The following HDAC7 variants were observed in gnomAD, a reference collection of about 807,000 sequenced individuals.
HDAC7 encodes histone deacetylase 7A.
Under a neutral mutation model 115.5 loss-of-function variants are expected in HDAC7, and 26 were observed. The ratio of observed to expected loss-of-function variants is 0.23; its 90% confidence interval spans 0.16 to 0.31. The LOEUF is 0.31. Ranked by LOEUF, HDAC7 falls within the 10% of genes least tolerant of loss-of-function variation. The pLI is 1.00. For missense variants in HDAC7, 1,068 were observed against 1,329.0 expected, an observed-to-expected ratio of 0.80 and a Z score of 3.05; for synonymous variants, 564 against 550.9, an observed-to-expected ratio of 1.02 and a Z score of -0.33.
intron 17 of HDAC7, 51 bp downstream of exon 17, chr12:47,789,762 C>G (rs769837416): frequency 4.1e-6 from 6 of 1,459,060 alleles, no homozygotes; most frequent in Middle Eastern, 3.5e-4. Flanking sequence ...CCCACTACCC[C>G]ACTCTGCTTC....
chr12:47,807,829 T>C (rs1944468161), intron 1 of HDAC7, among the ~76,000 whole-genome samples: 1 of 152,232 alleles, frequency 6.6e-6, no homozygotes, highest in South Asian at 2.1e-4. Context: ...AACAGGGGGC[T>C]GGCAATGGGT....
At chr12:47,796,916 A>T in intron 7 of HDAC7, 101 bp downstream of exon 7, 1 of 1,327,252 alleles carries the variant, frequency 7.5e-7, no homozygotes, top group Non-Finnish European at 1.0e-6. Flanking sequence ...CACGCATGGC[A>T]GTCCTAAGGA....
rs777871366 is a variant in HDAC7, at chr12:47,797,352, G to A, written c.577+32C>T. 1 of 1,440,372 alleles carries A rather than the reference G, an allele frequency of 6.9e-7. No homozygotes were observed. Among genetic ancestry groups the A allele is most frequent in the Non-Finnish European group, 9.4e-7 (1 of 1,060,366 alleles). 89.2% of individuals were successfully genotyped at this position (1,440,372 alleles called of 1,614,324 possible). ...GTCCGAGGCCCTTCCCCCTTCCTTT[G>A]CCTGAAAGGTCCGCCTGTTTGTTCA... On this transcript the variant is annotated intron_variant, in intron 6 of 25. Coordinates refer to ENST00000080059, the MANE Select transcript of HDAC7 (RefSeq NM_015401.5). The surrounding 1 kb of genome is among the most constrained non-coding windows in gnomAD (Gnocchi z 5.5).
In HDAC7 at chr12:47,798,369, G is replaced by T; in HGVS notation, c.350-150C>A. 1.3e-6 allele frequency: 1 copy of T among 770,630 alleles called. No individual in the cohort carries two copies. The highest frequency in any genetic ancestry group is 1.6e-5 in the South Asian group (1 of 62,984). The allele number at this position is 770,630 out of a possible 1,614,324, so 47.7% of individuals were successfully genotyped here. A position where few individuals can be genotyped will look rare whatever the true frequency, so the allele number is the denominator to read the frequency against. On this transcript the variant is annotated intron_variant, in intron 4 of 25. Transcript: ENST00000080059. This position sits in a 1 kb window ranked among gnomAD's most constrained non-coding sequence, Gnocchi z 4.3. ...AAGCCCGAGGCCCTACCCCTCCCTA[G>T]AGCCTCCAGACACCACCCCCCACCC...
rs148341515 is a variant in HDAC7, at chr12:47,784,856, C to G, written c.2791+531G>C. ...ATTATGTAAAGACATCACGGCTCCC[C>G]TACCCAGCCCTTGATATGGGAATCT... is the stretch of plus-strand genomic sequence containing the variant. On this transcript the variant is annotated intron_variant, in intron 24 of 25. Transcript: ENST00000080059. The G allele has an allele frequency of 1.5e-4, 188 of 1,284,120 alleles. No homozygotes were observed. The African/African-American group carries it at 2.5e-3, about 17-fold the overall frequency. 79.5% of individuals were successfully genotyped at this position (1,284,120 alleles called of 1,614,324 possible).
In HDAC7 at chr12:47,803,585, C is replaced by A. The variant is rs1354602026; in HGVS notation, c.20-1311G>T. Among the ~76,000 whole-genome samples the A allele has an allele frequency of 6.6e-6, 1 of 152,112 alleles. No individual in the cohort carries two copies. The highest frequency in any genetic ancestry group is 1.5e-5 in the Non-Finnish European group (1 of 68,020). Reference sequence around the variant, plus strand: ...ATCTCCTTGGGAGGCTCTCCCTGACCTCTCCCCTCTTCCTTTTCCACAGCA... The same window carrying A: ...ATCTCCTTGGGAGGCTCTCCCTGACATCTCCCCTCTTCCTTTTCCACAGCA... On this transcript the variant is annotated intron_variant, in intron 1 of 25. Coordinates refer to ENST00000080059, the MANE Select transcript of HDAC7 (RefSeq NM_015401.5). This position sits in a 1 kb window ranked among gnomAD's most constrained non-coding sequence, Gnocchi z 4.0.
Position 47,810,788 on chromosome 12 carries a change from C to A in HDAC7, c.20-8514G>T, listed in dbSNP as rs1435062106. Among the ~76,000 whole-genome samples, 3 of 149,958 alleles carry A rather than the reference C, an allele frequency of 2.0e-5. No individual in the cohort carries two copies. The East Asian group carries it at 5.9e-4, about 30-fold the overall frequency. ...CAGAGTGGGTACTCGGGGGTAAATT[C>A]TCTTGGGAGGAAAAGGTCTCTCTCT... On this transcript the variant is annotated intron_variant, in intron 1 of 25. Transcript: ENST00000080059.
At chr12:47,818,427 T>G (rs1386504667) in intron 1 of HDAC7, among the ~76,000 whole-genome samples, 1 of 152,170 alleles carries the variant, frequency 6.6e-6, no homozygotes, top group East Asian at 1.9e-4. Context: ...CAGAAATGAC[T>G]GCAGAGAAGA....
At chr12:47,807,665 G>A (rs1202769497) in intron 1 of HDAC7, among the ~76,000 whole-genome samples, 1 of 152,118 alleles carries the variant, frequency 6.6e-6, no homozygotes, top group Non-Finnish European at 1.5e-5. Context: ...CAGCCCCACA[G>A]AGACCCGTGC....
intron 1 of HDAC7, among the ~76,000 whole-genome samples, chr12:47,806,520 C>A (rs1275736799): frequency 6.6e-6 from 1 of 152,274 alleles, no homozygotes; most frequent in Non-Finnish European, 1.5e-5. Flanking sequence ...GAAATCCCAT[C>A]TCTAACAAAA....
chr12:47,804,600 T>C (rs1003267495), intron 1 of HDAC7, among the ~76,000 whole-genome samples: 1 of 151,968 alleles, frequency 6.6e-6, no homozygotes, highest in Admixed American at 6.5e-5. Context: ...CTTTGCCAGG[T>C]TGGAGAGCTC....
chr12:47,796,474 A>G, intron 7 of HDAC7, among the ~76,000 whole-genome samples, 176 bp from the exon 8 acceptor site: 1 of 145,576 alleles, frequency 6.9e-6, no homozygotes, highest in African/African-American at 2.6e-5. Context: ...CCCAGGCTGG[A>G]GTGCAATGGC....
intron 24 of HDAC7, 161 bp downstream of exon 24, chr12:47,785,226 T>C: frequency 1.6e-6 from 1 of 628,036 alleles, no homozygotes; most frequent in Non-Finnish European, 2.8e-6. Context: ...CACTGGGGGG[T>C]GCTCACCATT....
At chr12:47,808,735 C>G (rs79823150) in intron 1 of HDAC7, among the ~76,000 whole-genome samples, 19 of 152,336 alleles carry the variant, frequency 1.2e-4, no homozygotes, top group African/African-American at 4.6e-4. Flanking sequence ...GCATCTACTT[C>G]CTATTACCCA....
Position 47,798,052 on chromosome 12 carries a change from G to A in HDAC7, c.461+56C>T. 1 of 1,258,274 alleles carries A rather than the reference G, an allele frequency of 7.9e-7. No homozygotes were observed. The highest frequency in any genetic ancestry group is 1.2e-6 in the Non-Finnish European group (1 of 855,640). 77.9% of individuals were successfully genotyped at this position (1,258,274 alleles called of 1,614,324 possible). On this transcript the variant is annotated intron_variant, in intron 5 of 25. Transcript: ENST00000080059. This position sits in a 1 kb window ranked among gnomAD's most constrained non-coding sequence, Gnocchi z 4.3. ...AGTGTGTGTGCTCATGGCTAACACG[G>A]GGGCGGGGGTGGAGGGTGCATGTGG...
At chr12:47,785,096 G>T in intron 24 of HDAC7, 1 of 554,000 alleles carries the variant, frequency 1.8e-6, no homozygotes. Flanking sequence ...CCTGAGTGTT[G>T]CTCTTGACCT....
intron 19 of HDAC7, 127 bp downstream of exon 19, chr12:47,789,134 A>C (rs1329266289): frequency 1.2e-5 from 9 of 767,612 alleles, no homozygotes; most frequent in Non-Finnish European, 2.0e-5. Context: ...CAAATTTTAC[A>C]CAAGGGGAAA....
rs1592617163 is a variant in HDAC7, at chr12:47,782,986, C to G, written c.*855G>C. 1 of 152,810 alleles carries G rather than the reference C, an allele frequency of 6.5e-6. No individual in the cohort carries two copies. Among genetic ancestry groups the G allele is most frequent in the African/African-American group, 2.4e-5 (1 of 41,460 alleles). 9.5% of individuals were successfully genotyped at this position (152,810 alleles called of 1,614,324 possible). Reference sequence around the variant, plus strand: ...CTCCATGTCTGTATCTTCTCTCCCACCCCTTCCCCCTCAGTCAGGCTACTC... The same window carrying G: ...CTCCATGTCTGTATCTTCTCTCCCAGCCCTTCCCCCTCAGTCAGGCTACTC... On this transcript the variant is annotated 3_prime_UTR_variant, in exon 26 of 26. Coordinates refer to ENST00000080059, the MANE Select transcript of HDAC7 (RefSeq NM_015401.5).
At chr12:47,808,827 CCA>C (rs1405220023) in intron 1 of HDAC7, among the ~76,000 whole-genome samples, 2 of 152,226 alleles carry the variant, frequency 1.3e-5, no homozygotes, top group African/African-American at 2.4e-5. Flanking sequence ...CTCCCCTAGT[CCA>C]CACTACCCTA....
Sources: gnomAD v4.1 joint callset for allele counts (sites outside exome capture counted in the v4.1 genomes callset) on GRCh38, gnomAD v4.1.1 for gene constraint, Gnocchi (gnomAD v3.1) non-coding constraint, MANE v1.5 for transcripts, NCBI Gene and HGNC (gene_info 2026-07-23, HGNC 2026-07-21) for gene names.